Variants in MCM8 observed in about 807,000 individuals in gnomAD.
MCM8 encodes minichromosome maintenance 8 homologous recombination repair factor.
MCM8 carries 85 observed loss-of-function variants against 98.9 expected under a neutral mutation model. That is an observed-to-expected ratio of 0.86 (90% CI 0.72 to 1.03). The LOEUF (loss-of-function observed/expected upper bound fraction) is 1.03, where lower values mean the gene tolerates loss of function less well. Ranked by LOEUF, MCM8 falls within the 50% of genes least tolerant of loss-of-function variation. The pLI is 0.00. For missense variants in MCM8, 951 were observed against 997.8 expected, an observed-to-expected ratio of 0.95 and a Z score of 0.63; for synonymous variants, 352 against 338.6, an observed-to-expected ratio of 1.04 and a Z score of -0.44.
intron 10 of MCM8, among the ~76,000 whole-genome samples, chr20:5,969,224 T>C (rs1250177869): frequency 6.6e-6 from 1 of 152,126 alleles, no homozygotes; most frequent in Non-Finnish European, 1.5e-5. Flanking sequence ...TAGGAGAAAA[T>C]GAGAGAGACT....
Position 5,973,069 on chromosome 20 carries a change from G to A in MCM8, c.1268G>A (p.Gly423Asp). ...VIFGHELVKAGLALALFGGSQ... is the reference protein window; with the variant it reads ...VIFGHELVKADLALALFGGSQ... ...TTCGCACTTGAGCTTGTTAAAGCAG[G>A]TTTGGCATTAGCACTCTTTGGAGGA... Residue 423 changes from glycine (G) to aspartate (D), a missense_variant, in exon 12 of 19, where the codon GGT becomes GAT. Transcript: ENST00000610722. The A allele has an allele frequency of 3.1e-6, 5 of 1,614,102 alleles. No homozygotes were observed. The highest frequency in any genetic ancestry group is 4.2e-6 in the Non-Finnish European group (5 of 1,179,982).
chr20:5,961,125 C>T (rs540703594), intron 7 of MCM8, among the ~76,000 whole-genome samples: 1 of 152,286 alleles, frequency 6.6e-6, no homozygotes, highest in African/African-American at 2.4e-5. Context: ...CCTGTAGTCC[C>T]AACTACTCAG....
At chr20:5,976,513 C>A (rs1345042950) in intron 12 of MCM8, among the ~76,000 whole-genome samples, 1 of 152,104 alleles carries the variant, frequency 6.6e-6, no homozygotes, top group African/African-American at 2.4e-5. Context: ...GCAATTTTTA[C>A]AGAAGCAGAA....
At chr20:5,965,832 A>G (rs552487367) in intron 8 of MCM8, among the ~76,000 whole-genome samples, 8 of 152,210 alleles carry the variant, frequency 5.3e-5, no homozygotes, top group Middle Eastern at 3.4e-3. Context: ...TCAATATACT[A>G]TGGAATACAT....
intron 11 of MCM8, 80 bp downstream of exon 11, chr20:5,972,117 CA>C: frequency 9.2e-7 from 1 of 1,089,176 alleles, no homozygotes; most frequent in Non-Finnish European, 1.3e-6. Flanking sequence ...CAGAAAGTAG[CA>C]AATTTCTATT....
At position 5,994,628 on chromosome 20, in the gene MCM8, A is replaced by G. The variant is rs577864424; in HGVS notation, c.*237A>G. On this transcript the variant is annotated 3_prime_UTR_variant, in exon 19 of 19. Coordinates refer to ENST00000610722, the MANE Select transcript of MCM8 (RefSeq NM_032485.6). ...AAGAAGTGATAAAGTCTCCAGATGC[A>G]GTAGCTCACACTGTAATCACAGTGA... 330 of 491,386 alleles carry G rather than the reference A, an allele frequency of 6.7e-4. No individual in the cohort carries two copies. Among genetic ancestry groups the G allele is most frequent in the African/African-American group, 6.1e-3 (307 of 50,716 alleles). The allele number at this position is 491,386 out of a possible 1,614,324, so 30.4% of individuals were successfully genotyped here.
chr20:5,968,258 A>G (rs990277301), intron 10 of MCM8, among the ~76,000 whole-genome samples: 1 of 152,220 alleles, frequency 6.6e-6, no homozygotes, highest in Admixed American at 6.5e-5. Context: ...TGAAATTCAG[A>G]TTTCAACTGG....
At chr20:5,976,651 G>A (rs1418937977) in intron 12 of MCM8, among the ~76,000 whole-genome samples, 6 of 152,212 alleles carry the variant, frequency 3.9e-5, no homozygotes, top group Admixed American at 6.5e-5. Context: ...TGCACTGCGC[G>A]TGCCCCCAGG....
At chr20:5,955,959 G>A (rs748912994) in intron 5 of MCM8, among the ~76,000 whole-genome samples, 2 of 151,984 alleles carry the variant, frequency 1.3e-5, no homozygotes, top group Admixed American at 1.3e-4. Context: ...AGTAGAGACG[G>A]GGTTTCACGA....
rs140814089 is a variant in MCM8 at position 5,976,151 on chromosome 20, G to A, written c.1396-1725G>A. ...TAAAAACAATTTTAAAAAAAATTAG[G>A]TGTGGTGGCATGTGCCTATAGTCCC... On this transcript the variant is annotated intron_variant, in intron 12 of 18. Coordinates refer to ENST00000610722, the MANE Select transcript of MCM8 (RefSeq NM_032485.6). Among the ~76,000 whole-genome samples the A allele has an allele frequency of 1.4e-3, 217 of 152,296 alleles. 1 individual carries two copies. Among genetic ancestry groups the A allele is most frequent in the African/African-American group, 5.1e-3 (210 of 41,562 alleles).
At chr20:5,992,261 A>C (rs560140689) in intron 17 of MCM8, among the ~76,000 whole-genome samples, 117 of 152,282 alleles carry the variant, frequency 7.7e-4, no homozygotes, top group Non-Finnish European at 1.3e-3. Context: ...AGTCACTTTA[A>C]TCTTAGCATA....
intron 2 of MCM8, 75 bp from the exon 3 acceptor site, chr20:5,952,349 T>G: frequency 1.3e-6 from 2 of 1,575,510 alleles, no homozygotes; most frequent in Non-Finnish European, 8.7e-7. Context: ...TTAATGAGAG[T>G]CTCATTTGGA....
At chr20:5,972,075 A>G in intron 11 of MCM8, 38 bp downstream of exon 11, 1 of 1,518,396 alleles carries the variant, frequency 6.6e-7, no homozygotes, top group Non-Finnish European at 9.0e-7. Flanking sequence ...AAAAGTATAT[A>G]AGGTTAGCAA....
chr20:5,979,611 C>G (rs774192910), intron 13 of MCM8, among the ~76,000 whole-genome samples: 2 of 152,148 alleles, frequency 1.3e-5, no homozygotes, highest in Admixed American at 1.3e-4. Context: ...TTTTCTCATA[C>G]CCCACATTAA....
intron 14 of MCM8, 22 bp from the exon 15 acceptor site, chr20:5,984,748 ATCATTGTTTCT>A: frequency 6.5e-7 from 1 of 1,536,790 alleles, no homozygotes; most frequent in Non-Finnish European, 8.9e-7. Context: ...TTTGATTCCA[ATCATTGTTTCT>A]TCTTTCTTTC....
chr20:5,971,549 T>G (rs2089403519), intron 10 of MCM8, among the ~76,000 whole-genome samples: 1 of 152,214 alleles, frequency 6.6e-6, no homozygotes, highest in East Asian at 1.9e-4. Context: ...TAATTTGACC[T>G]TTTGACTTGA....
chr20:5,988,493 T>G (rs2089778892), intron 17 of MCM8, among the ~76,000 whole-genome samples: 1 of 152,078 alleles, frequency 6.6e-6, no homozygotes, highest in Non-Finnish European at 1.5e-5. Context: ...GGAAAAAGTT[T>G]CCTCCTACTC....
At chr20:5,970,235 T>C (rs1474128154) in intron 10 of MCM8, among the ~76,000 whole-genome samples, 1 of 152,240 alleles carries the variant, frequency 6.6e-6, no homozygotes, top group Admixed American at 6.5e-5. Flanking sequence ...AAATACTTTC[T>C]GGCCCTTTAA....
intron 17 of MCM8, among the ~76,000 whole-genome samples, 183 bp downstream of exon 17, chr20:5,987,541 T>G (rs1214549679): frequency 6.6e-6 from 1 of 152,202 alleles, no homozygotes; most frequent in Non-Finnish European, 1.5e-5. Flanking sequence ...ATTAGAAATT[T>G]TTTTGAATGA....
Sources: allele counts gnomAD v4.1 joint callset (sites outside exome capture counted in the v4.1 genomes callset), GRCh38; gene constraint gnomAD v4.1.1; transcripts MANE v1.5; gene names NCBI Gene and HGNC (gene_info 2026-07-23, HGNC 2026-07-21).